Variants in KCNK10 observed in about 807,000 individuals in gnomAD.
The protein encoded by KCNK10 is potassium channel subfamily K member 10.
In KCNK10, 25 loss-of-function variants were observed where a neutral mutation model predicts 47.7. The observed-to-expected ratio is 0.52, with a 90% CI of 0.38 to 0.73. KCNK10 has a LOEUF of 0.73. Ranked by LOEUF, KCNK10 falls within the 30% of genes least tolerant of loss-of-function variation. The pLI is 0.00. For synonymous variants in KCNK10, 303 were observed against 285.6 expected, an observed-to-expected ratio of 1.06 and a Z score of -0.61; for missense variants, 563 against 714.5, an observed-to-expected ratio of 0.79 and a Z score of 2.42.
intron 1 of KCNK10, among the ~76,000 whole-genome samples, chr14:88,305,676 C>T (rs1888189609): frequency 6.6e-6 from 1 of 152,152 alleles, no homozygotes; most frequent in South Asian, 2.1e-4. Context: ...TTTGGGTTTC[C>T]CCAGAAGCTG....
intron 4 of KCNK10, among the ~76,000 whole-genome samples, chr14:88,221,253 G>T (rs1380967635): frequency 6.6e-6 from 1 of 151,362 alleles, no homozygotes; most frequent in Non-Finnish European, 1.5e-5. Flanking sequence ...AGTGAGCCAA[G>T]ATCATACCAC....
chr14:88,298,536 C>T (rs746110903), intron 1 of KCNK10, among the ~76,000 whole-genome samples: 3 of 152,194 alleles, frequency 2.0e-5, no homozygotes, highest in Non-Finnish European at 4.4e-5. Flanking sequence ...AAATGATTGA[C>T]TCCACTATGC....
At chr14:88,317,534 A>G (rs1477617716) in intron 1 of KCNK10, among the ~76,000 whole-genome samples, 1 of 152,238 alleles carries the variant, frequency 6.6e-6, no homozygotes, top group East Asian at 1.9e-4. Flanking sequence ...ACTTTTGGGT[A>G]ACAAAGAGCA....
In KCNK10 at chr14:88,268,315, C is replaced by T. The variant is rs183900796; in HGVS notation, c.53-4764G>A. Among the ~76,000 whole-genome samples the T allele has an allele frequency of 1.1e-3, 175 of 152,314 alleles. 1 individual carries two copies. Among genetic ancestry groups the T allele is most frequent in the African/African-American group, 4.1e-3 (170 of 41,564 alleles). On this transcript the variant is annotated intron_variant, in intron 1 of 6. Transcript: ENST00000319231. The stretch of plus-strand genomic sequence containing the variant: ...GCCCGGGAGCAACGTACCCGCAGTG[C>T]AAGCCCAGCTGTGGAGATCAGGGCA...
chr14:88,186,172 A>G lies in KCNK10; in HGVS notation c.1012-17T>C. On this transcript the variant is annotated splice_polypyrimidine_tract_variant and intron_variant, in intron 6 of 6. Coordinates refer to ENST00000319231, the MANE Select transcript of KCNK10 (RefSeq NM_138317.3). This position sits in a 1 kb window ranked among gnomAD's most constrained non-coding sequence, Gnocchi z 5.5. ...TTCACCCACCTGGCCAAGAGACAGA[A>G]GAGCAACAATATGCTGACAAATGCC... 6.4e-7 allele frequency: 1 copy of G among 1,562,352 alleles called. No individual in the cohort carries two copies. Among genetic ancestry groups the G allele is most frequent in the South Asian group, 1.2e-5 (1 of 82,544 alleles).
intron 3 of KCNK10, among the ~76,000 whole-genome samples, chr14:88,228,775 A>G (rs937139356): frequency 6.6e-6 from 1 of 152,220 alleles, no homozygotes; most frequent in African/African-American, 2.4e-5. Context: ...GAATCATTCA[A>G]ACCTCTTATA....
At chr14:88,298,513 C>T (rs565487157) in intron 1 of KCNK10, among the ~76,000 whole-genome samples, 1 of 152,288 alleles carries the variant, frequency 6.6e-6, no homozygotes, top group South Asian at 2.1e-4. Flanking sequence ...CTCTCCTCCT[C>T]GTAATTTCGG....
intron 1 of KCNK10, among the ~76,000 whole-genome samples, chr14:88,287,119 C>G (rs114599005): frequency 0.027 from 4,076 of 152,276 alleles, 170 homozygotes; most frequent in African/African-American, 0.093. Flanking sequence ...ATGCCACTAA[C>G]AGGCAGGGCC....
chr14:88,224,703 G>A (rs900587298), intron 4 of KCNK10, among the ~76,000 whole-genome samples: 1 of 152,190 alleles, frequency 6.6e-6, no homozygotes, highest in Non-Finnish European at 1.5e-5. Context: ...TCCACCTCCT[G>A]GGTTCAAGCA....
chr14:88,238,979 C>T (rs1886374223), intron 3 of KCNK10, among the ~76,000 whole-genome samples: 1 of 152,044 alleles, frequency 6.6e-6, no homozygotes, highest in Non-Finnish European at 1.5e-5. Context: ...TTAGGTTCAC[C>T]ATCTTCAAAG....
intron 3 of KCNK10, among the ~76,000 whole-genome samples, chr14:88,236,106 A>C (rs1377295085): frequency 6.6e-6 from 1 of 152,220 alleles, no homozygotes. Context: ...CTTTGAGGCC[A>C]GGAGTCTGAG....
At chr14:88,315,598 T>A (rs1198458375) in intron 1 of KCNK10, among the ~76,000 whole-genome samples, 1 of 152,144 alleles carries the variant, frequency 6.6e-6, no homozygotes, top group Non-Finnish European at 1.5e-5. Flanking sequence ...GGATCTCGAG[T>A]TCTGCTTGCA....
intron 4 of KCNK10, 127 bp downstream of exon 4, chr14:88,227,248 T>C: frequency 1.3e-6 from 1 of 781,566 alleles, no homozygotes. Flanking sequence ...AAACAGAAAA[T>C]ACAATCATAA....
chr14:88,281,625 T>C (rs532681269), intron 1 of KCNK10, among the ~76,000 whole-genome samples: 20 of 151,882 alleles, frequency 1.3e-4, no homozygotes, highest in Admixed American at 2.6e-4. Flanking sequence ...AACTATCAGC[T>C]CTCCTGGGTC....
In KCNK10 at chr14:88,181,829, G is replaced by T. The variant is rs975875073; in HGVS notation, c.*3706C>A. On this transcript the variant is annotated 3_prime_UTR_variant, in exon 7 of 7. Coordinates refer to ENST00000319231, the MANE Select transcript of KCNK10 (RefSeq NM_138317.3). ...ATAAATTTTGTGAACTCATGGACTA[G>T]GGAGTGTTTCATTAGAGAACTGCAC... is the stretch of plus-strand genomic sequence containing the variant. 2 of 152,226 alleles carry T rather than the reference G, an allele frequency of 1.3e-5. No homozygotes were observed. Among genetic ancestry groups the T allele is most frequent in the Non-Finnish European group, 2.9e-5 (2 of 68,016 alleles). The allele number at this position is 152,226 out of a possible 1,614,324, so 9.4% of individuals were successfully genotyped here.
chr14:88,296,966 A>G (rs1887998067), intron 1 of KCNK10, among the ~76,000 whole-genome samples: 1 of 152,248 alleles, frequency 6.6e-6, no homozygotes, highest in Admixed American at 6.5e-5. Flanking sequence ...TTAAATTATG[A>G]CATATTGCTA....
rs1337992980 is a variant in KCNK10 at position 88,260,191 on chromosome 14, C to T, written c.402+3011G>A. ...CTCCTGATCTCAGGTCATCCACCCACCTTGGCCTCCCAAAGTGCTGGGATT... is the reference window on the plus strand; with the variant it reads ...CTCCTGATCTCAGGTCATCCACCCATCTTGGCCTCCCAAAGTGCTGGGATT... On this transcript the variant is annotated intron_variant, in intron 2 of 6. Coordinates refer to ENST00000319231, the MANE Select transcript of KCNK10 (RefSeq NM_138317.3). This position sits in a 1 kb window ranked among gnomAD's most constrained non-coding sequence, Gnocchi z 4.5. 1.3e-5 allele frequency among the ~76,000 whole-genome samples: 2 copies of T among 152,208 alleles called. No individual in the cohort carries two copies. The highest frequency in any genetic ancestry group is 2.9e-5 in the Non-Finnish European group (2 of 68,040).
intron 3 of KCNK10, among the ~76,000 whole-genome samples, chr14:88,236,556 G>T (rs1015093922): frequency 6.6e-6 from 1 of 152,112 alleles, no homozygotes; most frequent in Admixed American, 6.5e-5. Context: ...ATAGAGCTAC[G>T]ACTAAAACAA....
chr14:88,207,839 C>T (rs1002477064), intron 4 of KCNK10, among the ~76,000 whole-genome samples: 2 of 151,340 alleles, frequency 1.3e-5, no homozygotes, highest in African/African-American at 2.5e-5. Flanking sequence ...TTGGGGTCTA[C>T]AAGATGTTAT....
Sources: gnomAD v4.1 joint callset for allele counts (sites outside exome capture counted in the v4.1 genomes callset) on GRCh38, gnomAD v4.1.1 for gene constraint, Gnocchi (gnomAD v3.1) non-coding constraint, MANE v1.5 for transcripts, NCBI Gene and HGNC (gene_info 2026-07-23, HGNC 2026-07-21) for gene names.